The following COL22A1 variants were observed in gnomAD, a reference collection of about 807,000 sequenced individuals.
COL22A1 encodes the protein collagen alpha-1(XXII) chain.
COL22A1 carries 221 observed loss-of-function variants against 248.9 expected under a neutral mutation model. The observed-to-expected ratio is 0.89, with a 90% CI of 0.80 to 0.99. COL22A1 has a LOEUF of 0.99. COL22A1 is among the 50% of genes least tolerant of loss of function. COL22A1 has a pLI of 0.00. For synonymous variants in COL22A1, 891 were observed against 793.4 expected (o/e 1.12, Z -2.07); for missense variants, 2,240 against 2,179.0 (o/e 1.03, Z -0.56).
chr8:138,659,408 T>C (rs1823589810), intron 44 of COL22A1, among the ~76,000 whole-genome samples: 1 of 152,184 alleles, frequency 6.6e-6, no homozygotes. Context: ...ACAAAAGAGA[T>C]AGGCAGCCTC....
chr8:138,637,039 C>T (rs1291210093), intron 47 of COL22A1, among the ~76,000 whole-genome samples: 1 of 151,920 alleles, frequency 6.6e-6, no homozygotes, highest in African/African-American at 2.4e-5. Flanking sequence ...GGAAAGGGGC[C>T]AGGGAGGCAG....
At chr8:138,898,418 C>CA (rs1212074356) in intron 1 of COL22A1, among the ~76,000 whole-genome samples, 6 of 146,284 alleles carry the variant, frequency 4.1e-5, no homozygotes, top group Non-Finnish European at 9.1e-5. Context: ...TACCCTCCGC[C>CA]ACCACTCCCC....
chr8:138,718,794 C>T (rs1175715646), intron 27 of COL22A1, among the ~76,000 whole-genome samples: 1 of 152,180 alleles, frequency 6.6e-6, no homozygotes, highest in African/African-American at 2.4e-5. Context: ...ATAAAAATGA[C>T]ACATGAGATA....
At chr8:138,750,348 A>T (rs1283682464) in intron 22 of COL22A1, among the ~76,000 whole-genome samples, 1 of 152,222 alleles carries the variant, frequency 6.6e-6, no homozygotes, top group Non-Finnish European at 1.5e-5. Flanking sequence ...TGAGAATTCA[A>T]AAGGGTTATA....
intron 1 of COL22A1, among the ~76,000 whole-genome samples, chr8:138,912,467 G>A (rs541912245): frequency 9.8e-5 from 15 of 152,330 alleles, no homozygotes; most frequent in East Asian, 1.9e-4. Flanking sequence ...GGGCCCAGGC[G>A]TGGTGGCTCA....
chr8:138,884,439 T>C (rs1824486819), intron 1 of COL22A1, among the ~76,000 whole-genome samples: 1 of 152,208 alleles, frequency 6.6e-6, no homozygotes, highest in South Asian at 2.1e-4. Context: ...ATGTTTGCAA[T>C]GGTAGCGAAG....
At chr8:138,616,782 T>C in intron 54 of COL22A1, 132 bp downstream of exon 54, 1 of 990,492 alleles carries the variant, frequency 1.0e-6, no homozygotes, top group Non-Finnish European at 1.6e-6. Flanking sequence ...GCTGGCTTGC[T>C]CCATGCTGGT....
intron 12 of COL22A1, among the ~76,000 whole-genome samples, chr8:138,784,652 G>T (rs1237128116): frequency 6.6e-6 from 1 of 152,204 alleles, no homozygotes; most frequent in East Asian, 1.9e-4. Flanking sequence ...GTATTAATGT[G>T]ATAGTACAGA....
chr8:138,636,776 C>T lies in COL22A1; in HGVS notation c.3521G>A (p.Gly1174Asp). 1 of 1,613,482 alleles carries T rather than the reference C, an allele frequency of 6.2e-7. No homozygotes were observed. Among genetic ancestry groups the T allele is most frequent in the Non-Finnish European group, 8.5e-7 (1 of 1,179,532 alleles). Residue 1174 changes from glycine to aspartate, a missense_variant, in exon 48 of 65, where the codon GGT becomes GAT. Transcript: ENST00000303045. ...AGPQGSQGER[G>D]ADGEVGQKGD... ...TTTCTGCCCAACCTCACCATCTGCA[C>T]CACGTTCTCCTTGACTTCCCTTGAA...
rs1816846806 is a variant in COL22A1, at chr8:138,589,380, C to G, written c.4754G>C (p.Gly1585Ala). 6.2e-7 allele frequency: 1 copy of G among 1,605,266 alleles called. No individual in the cohort carries two copies. The highest frequency in any genetic ancestry group is 1.3e-5 in the African/African-American group (1 of 74,348). ...AGGATGTCCAGCTGGTCCTGTCTCCCCTTGAGGGCCAGGGATCCCAGGAAG... is the reference window on the plus strand; with the variant it reads ...AGGATGTCCAGCTGGTCCTGTCTCCGCTTGAGGGCCAGGGATCCCAGGAAG... ...DGLPGIPGPQ[G>A]ETGPAGHPGL... Residue 1585 changes from glycine (G) to alanine (A), a missense_variant, in exon 65 of 65, where the codon GGG becomes GCG. Transcript: ENST00000303045.
intron 18 of COL22A1, among the ~76,000 whole-genome samples, chr8:138,758,271 C>A (rs1184824963): frequency 1.3e-5 from 2 of 152,324 alleles, no homozygotes; most frequent in South Asian, 2.1e-4. Context: ...CCACTGACAG[C>A]TTGTCTGCCT....
At chr8:138,616,148 G>A in intron 54 of COL22A1, 94 bp from the exon 55 acceptor site, 3 of 1,015,032 alleles carry the variant, frequency 3.0e-6, no homozygotes, top group Admixed American at 3.5e-5. Context: ...GAGAGGTGGA[G>A]AGGCCCAGGG....
In COL22A1 at chr8:138,764,525, T is replaced by G. The variant is rs1296608636; in HGVS notation, c.1804-2059A>C. 2.0e-5 allele frequency among the ~76,000 whole-genome samples: 3 copies of G among 152,270 alleles called. No individual in the cohort carries two copies. The East Asian group carries it at 5.8e-4, about 29-fold the overall frequency. On this transcript the variant is annotated intron_variant, in intron 16 of 64. Transcript: ENST00000303045. ...AACGTAGGGGTGTCCCAACCCTCTC[T>G]GGGCTCTGCAGTTTGGTTTGCAGGC...
intron 12 of COL22A1, among the ~76,000 whole-genome samples, chr8:138,796,596 A>G (rs1816558886): frequency 6.6e-6 from 1 of 151,058 alleles, no homozygotes; most frequent in African/African-American, 2.4e-5. Flanking sequence ...CCACCATTTT[A>G]CCATTTTCTG....
rs1563835409 is a variant in COL22A1 at position 138,844,133 on chromosome 8, T to C, written c.684A>G (p.Val228=). Residue 228 remains valine, a synonymous_variant, in exon 4 of 65, where the codon GTA becomes GTG. Coordinates refer to ENST00000303045, the MANE Select transcript of COL22A1 (RefSeq NM_152888.3). ...TGGTGTGCTTAAAGCGATCTCCTTCTACACGAACGCTAGGACAGAGCACAT... is the reference window on the plus strand; with the variant it reads ...TGGTGTGCTTAAAGCGATCTCCTTCCACACGAACGCTAGGACAGAGCACAT... The part of the protein sequence containing the change: ...CENVLCPSVR[V]EGDRFKHTNG... 1.2e-6 allele frequency: 2 copies of C among 1,614,180 alleles called. No individual in the cohort carries two copies. The highest frequency in any genetic ancestry group is 2.2e-5 in the East Asian group (1 of 44,868).
At chr8:138,658,795 C>G (rs1343764914) in intron 44 of COL22A1, among the ~76,000 whole-genome samples, 2 of 152,096 alleles carry the variant, frequency 1.3e-5, no homozygotes, top group Admixed American at 6.5e-5. Context: ...TTAGTGAGCT[C>G]AGAGATACCT....
chr8:138,732,689 TCTC>T (rs1407382258), intron 23 of COL22A1, among the ~76,000 whole-genome samples: 1 of 151,830 alleles, frequency 6.6e-6, no homozygotes, highest in East Asian at 1.9e-4. Context: ...ATATGACTGT[TCTC>T]ATTATTAGTA....
chr8:138,713,080 T>G lies in COL22A1; in HGVS notation c.2517+2602A>C, dbSNP rs566958046. On this transcript the variant is annotated intron_variant, in intron 30 of 64. Coordinates refer to ENST00000303045, the MANE Select transcript of COL22A1 (RefSeq NM_152888.3). ...GCACGTATTTTAGAGCCCAACTGTC[T>G]GGACTCACACCCACCCTCACTCTGT... Among the ~76,000 whole-genome samples the G allele has an allele frequency of 9.1e-4, 139 of 152,322 alleles. 1 individual carries two copies. The highest frequency in any genetic ancestry group is 3.2e-3 in the African/African-American group (131 of 41,582).
At chr8:138,874,388 C>T (rs1823556830) in intron 3 of COL22A1, among the ~76,000 whole-genome samples, 2 of 152,208 alleles carry the variant, frequency 1.3e-5, no homozygotes, top group Non-Finnish European at 2.9e-5. Flanking sequence ...GGTTTTCCTT[C>T]ATGTATCAGA....
Sources: allele counts gnomAD v4.1 joint callset (sites outside exome capture counted in the v4.1 genomes callset), GRCh38; gene constraint gnomAD v4.1.1; transcripts MANE v1.5; gene names NCBI Gene and HGNC (gene_info 2026-07-23, HGNC 2026-07-21).